Variants in KIAA1671 observed in about 807,000 individuals in gnomAD.
KIAA1671 encodes uncharacterized protein KIAA1671.
In KIAA1671, 52 loss-of-function variants were observed where a neutral mutation model predicts 131.2. The ratio of observed to expected loss-of-function variants is 0.40; its 90% CI spans 0.32 to 0.50. The LOEUF (loss-of-function observed/expected upper bound fraction) is 0.50, where lower values mean the gene tolerates loss of function less well. Ranked by LOEUF, KIAA1671 falls within the 20% of genes least tolerant of loss-of-function variation. KIAA1671 has a pLI of 0.73. For synonymous variants in KIAA1671, 1,003 were observed against 961.6 expected (o/e 1.04, Z -0.80); for missense variants, 2,360 against 2,364.2 (o/e 1.00, Z 0.04).
chr22:25,036,502 T>G (rs1005508662), intron 4 of KIAA1671, among the ~76,000 whole-genome samples: 4 of 152,162 alleles, frequency 2.6e-5, no homozygotes, highest in Non-Finnish European at 4.4e-5. Context: ...AAAAATTCGG[T>G]CTTTCTAATA....
Position 25,039,369 on chromosome 22 carries a change from G to A in KIAA1671, c.2239G>A (p.Ala747Thr), listed in dbSNP as rs75885201. Residue 747 changes from alanine to threonine, a missense_variant, in exon 5 of 13, where the codon GCC becomes ACC. Transcript: ENST00000358431. ...AGTGGGAGAGCGTGTGCACAGCGAGGCCATCTCACCGGCACCGGAGGAGAA... is the reference window on the plus strand; with the variant it reads ...AGTGGGAGAGCGTGTGCACAGCGAGACCATCTCACCGGCACCGGAGGAGAA... ...HAVGERVHSE[A>T]ISPAPEEKAV... 1.1e-4 allele frequency: 171 copies of A among 1,551,876 alleles called. No individual in the cohort carries two copies. The African/African-American group carries it at 2.0e-3, about 19-fold the overall frequency.
chr22:25,104,744 C>CT (rs1930899554), intron 6 of KIAA1671, among the ~76,000 whole-genome samples: 1 of 151,900 alleles, frequency 6.6e-6, no homozygotes, highest in Non-Finnish European at 1.5e-5. Flanking sequence ...GGCAATTGTT[C>CT]ATTTTTTTTT....
At chr22:25,140,017 G>A (rs1432324927) in intron 6 of KIAA1671, among the ~76,000 whole-genome samples, 1 of 152,194 alleles carries the variant, frequency 6.6e-6, no homozygotes, top group Non-Finnish European at 1.5e-5. Flanking sequence ...CAAACTTAGT[G>A]ACTTAAAATA....
chr22:25,096,897 C>G (rs1601309555), intron 6 of KIAA1671, among the ~76,000 whole-genome samples: 1 of 152,202 alleles, frequency 6.6e-6, no homozygotes, highest in African/African-American at 2.4e-5. Flanking sequence ...ATCAGTGTCT[C>G]TCACTTAGCA....
Position 25,040,320 on chromosome 22 carries a change from C to T in KIAA1671, c.3190C>T (p.Pro1064Ser). ...HSRKITPPSS[P>S]HSLTSTLVSL... ...TAGAAAAATCACTCCACCCTCGTCT[C>T]CTCATTCTTTAACATCCACTTTGGT... Residue 1064 changes from proline to serine, a missense_variant, in exon 5 of 13, where the codon CCT becomes TCT. Physicochemically the swap from Pro to Ser is moderately conservative, Grantham distance 74. Transcript: ENST00000358431. 1.9e-6 allele frequency: 3 copies of T among 1,551,776 alleles called. No individual in the cohort carries two copies. Among genetic ancestry groups the T allele is most frequent in the Non-Finnish European group, 8.7e-7 (1 of 1,147,022 alleles).
At chr22:25,058,765 C>T (rs1035039511) in intron 6 of KIAA1671, 1 of 152,188 alleles carries the variant, frequency 6.6e-6, no homozygotes, top group African/African-American at 2.4e-5. Flanking sequence ...GGGTACAGCT[C>T]TTCTCTGCTG....
chr22:25,189,177 G>A (rs1305361351), intron 11 of KIAA1671, among the ~76,000 whole-genome samples: 1 of 136,176 alleles, frequency 7.3e-6, no homozygotes, highest in South Asian at 2.3e-4. Flanking sequence ...GTTTTGAGAC[G>A]GATTCTTGCT....
chr22:25,162,627 G>C (rs1034112983), intron 6 of KIAA1671, among the ~76,000 whole-genome samples: 15 of 152,184 alleles, frequency 9.9e-5, no homozygotes, highest in Admixed American at 2.0e-4. Flanking sequence ...ACTACTAGAG[G>C]TGAGGTGTTG....
At chr22:24,981,285 T>G (rs183666039) in intron 1 of KIAA1671, among the ~76,000 whole-genome samples, 1 of 152,136 alleles carries the variant, frequency 6.6e-6, no homozygotes, top group South Asian at 2.1e-4. Context: ...GACTGTGAAC[T>G]TTCTGAGGAT....
intron 1 of KIAA1671, among the ~76,000 whole-genome samples, chr22:24,989,463 C>A (rs981284070): frequency 2.0e-5 from 3 of 152,162 alleles, no homozygotes; most frequent in Non-Finnish European, 1.5e-5. Context: ...ATAACCCTTG[C>A]TCTATCGCCT....
chr22:25,117,258 A>G (rs1931712149), intron 6 of KIAA1671, among the ~76,000 whole-genome samples: 1 of 152,144 alleles, frequency 6.6e-6, no homozygotes, highest in East Asian at 1.9e-4. Flanking sequence ...CAGGGATCCC[A>G]CATCCATGAG....
At chr22:25,116,478 A>G (rs983975376) in intron 6 of KIAA1671, among the ~76,000 whole-genome samples, 2 of 151,548 alleles carry the variant, frequency 1.3e-5, no homozygotes, top group South Asian at 2.1e-4. Flanking sequence ...CTGGAGTGCA[A>G]TGGTGCAGTC....
At position 25,189,193 on chromosome 22, in the gene KIAA1671, G is replaced by A. The variant is rs529524536; in HGVS notation, c.5343-1509G>A. Reference sequence around the variant, plus strand: ...TTTTGAGACGGATTCTTGCTCTGTCGCCCAGGCTGGAGTGCAGCAGAGCCA... The same window carrying A: ...TTTTGAGACGGATTCTTGCTCTGTCACCCAGGCTGGAGTGCAGCAGAGCCA... On this transcript the variant is annotated intron_variant, in intron 11 of 12. Transcript: ENST00000358431. Among the ~76,000 whole-genome samples the A allele has an allele frequency of 9.1e-4, 127 of 139,254 alleles. 1 individual carries two copies. Among genetic ancestry groups the A allele is most frequent in the African/African-American group, 3.4e-3 (123 of 36,614 alleles). The allele number at this position is 139,254 out of a possible 152,430, so 91.4% of individuals were successfully genotyped here.
intron 6 of KIAA1671, among the ~76,000 whole-genome samples, chr22:25,169,638 C>T (rs1005340971): frequency 1.3e-5 from 2 of 152,154 alleles, no homozygotes; most frequent in Admixed American, 1.3e-4. Context: ...TTTTAATTTG[C>T]GAAGCAGACA....
intron 6 of KIAA1671, among the ~76,000 whole-genome samples, chr22:25,169,984 G>A (rs976120849): frequency 5.3e-4 from 81 of 152,262 alleles, no homozygotes; most frequent in African/African-American, 1.9e-3. Context: ...TGCAATCTTG[G>A]CTCATTGCAA....
At chr22:25,153,239 C>T (rs1933108081) in intron 6 of KIAA1671, among the ~76,000 whole-genome samples, 1 of 152,178 alleles carries the variant, frequency 6.6e-6, no homozygotes, top group African/African-American at 2.4e-5. Context: ...ACAATTTTCC[C>T]CGCTTGGGGA....
In KIAA1671 at chr22:24,980,929, T is replaced by C. The variant is rs188073424; in HGVS notation, c.-208+28157T>C. On this transcript the variant is annotated intron_variant, in intron 1 of 12. Coordinates refer to ENST00000358431, the MANE Select transcript of KIAA1671 (RefSeq NM_001145206.2). ...GCCTGGATGATTTTTGTATTTTTAGTAGAGACGGGCTTTCACCATGTTGGC... is the reference window on the plus strand; with the variant it reads ...GCCTGGATGATTTTTGTATTTTTAGCAGAGACGGGCTTTCACCATGTTGGC... Among the ~76,000 whole-genome samples, 613 of 152,124 alleles carry C rather than the reference T, an allele frequency of 4.0e-3. 4 individuals are homozygous for C. The highest frequency in any genetic ancestry group is 0.014 in the Middle Eastern group (4 of 294).
Position 25,078,059 on chromosome 22 carries a change from C to G in KIAA1671, c.4530+28695C>G, listed in dbSNP as rs115503763. Among the ~76,000 whole-genome samples, 273 of 152,292 alleles carry G rather than the reference C, an allele frequency of 1.8e-3. 2 individuals are homozygous for G. The highest frequency in any genetic ancestry group is 6.4e-3 in the African/African-American group (267 of 41,558). On this transcript the variant is annotated intron_variant, in intron 6 of 12. Transcript: ENST00000358431. ...GAGATTCTGAGAGGCTGAGTAACCA[C>G]CAGATATGCAACAGCTGGCCAGGGG...
At chr22:25,032,307 C>G (rs1926338469) in intron 3 of KIAA1671, among the ~76,000 whole-genome samples, 1 of 152,178 alleles carries the variant, frequency 6.6e-6, no homozygotes, top group African/African-American at 2.4e-5. Context: ...TGTTAATTAT[C>G]CCTGTTTTAT....
Sources: gnomAD v4.1 joint callset for allele counts (sites outside exome capture counted in the v4.1 genomes callset) on GRCh38, gnomAD v4.1.1 for gene constraint, MANE v1.5 for transcripts, NCBI Gene and HGNC (gene_info 2026-07-23, HGNC 2026-07-21) for gene names.